The following DOCK4 variants were observed in gnomAD, a reference collection of about 807,000 sequenced individuals.
DOCK4 encodes the protein dedicator of cytokinesis protein 4.
A neutral mutation model predicts 268.1 loss-of-function variants in DOCK4; 97 were observed. That is an observed-to-expected ratio of 0.36 (90% CI 0.31 to 0.43). DOCK4 has a LOEUF of 0.43. Ranked by LOEUF, DOCK4 falls within the 20% of genes least tolerant of loss-of-function variation. The pLI is 1.00. For missense variants in DOCK4, 2,145 were observed against 2,455.7 expected (o/e 0.87, Z 2.67); for synonymous variants, 954 against 887.2 (o/e 1.08, Z -1.34).
intron 10 of DOCK4, among the ~76,000 whole-genome samples, chr7:111,941,825 AG>A (rs1247762236): frequency 6.6e-6 from 1 of 152,206 alleles, no homozygotes; most frequent in Admixed American, 6.5e-5. Context: ...TGGCAAAATA[AG>A]GGAATAAGGT....
chr7:112,125,094 C>T (rs1813090291), intron 1 of DOCK4, among the ~76,000 whole-genome samples: 1 of 152,146 alleles, frequency 6.6e-6, no homozygotes, highest in African/African-American at 2.4e-5. Flanking sequence ...CACAGCTTCA[C>T]CAAATTTGAA....
intron 50 of DOCK4, among the ~76,000 whole-genome samples, chr7:111,736,239 G>A (rs1323157742): frequency 6.6e-6 from 1 of 152,168 alleles, no homozygotes; most frequent in Non-Finnish European, 1.5e-5. Flanking sequence ...TTATTGGCCT[G>A]GGGAACTGCT....
intron 1 of DOCK4, among the ~76,000 whole-genome samples, chr7:112,096,091 C>T (rs183881408): frequency 6.6e-6 from 1 of 151,934 alleles, no homozygotes; most frequent in Admixed American, 6.6e-5. Flanking sequence ...AACTTTGTCT[C>T]GTAATAAATA....
chr7:112,114,563 C>T (rs1286714227), intron 1 of DOCK4, among the ~76,000 whole-genome samples: 1 of 152,170 alleles, frequency 6.6e-6, no homozygotes, highest in Non-Finnish European at 1.5e-5. Flanking sequence ...CACTTGTTTT[C>T]ACTCTAATAT....
At position 111,847,187 on chromosome 7, in the gene DOCK4, A is replaced by C. The variant is rs114200397; in HGVS notation, c.2474-61T>G. 957 of 1,583,130 alleles carry C rather than the reference A, an allele frequency of 6.0e-4. 5 individuals are homozygous for C. In the African/African-American group the frequency reaches 0.011, roughly 18 times the overall value. ...GGAGTCCCACGCAATACCTAGGGCA[A>C]ATCCTTATCTACTTTTAATTCAATT... is the stretch of plus-strand genomic sequence containing the variant. On this transcript the variant is annotated intron_variant, in intron 23 of 52. Coordinates refer to ENST00000428084, the MANE Select transcript of DOCK4 (RefSeq NM_001363540.2).
At chr7:112,174,772 T>G (rs181176982) in intron 1 of DOCK4, among the ~76,000 whole-genome samples, 25 of 152,276 alleles carry the variant, frequency 1.6e-4, no homozygotes, top group African/African-American at 5.1e-4. Flanking sequence ...TAAGGCTCTG[T>G]CTCACGTCCA....
chr7:111,871,251 TG>T (rs1397373695), intron 20 of DOCK4, among the ~76,000 whole-genome samples: 1 of 152,230 alleles, frequency 6.6e-6, no homozygotes, highest in Non-Finnish European at 1.5e-5. Flanking sequence ...AGGACCATAT[TG>T]GACTGGGAGA....
chr7:112,075,633 C>T lies in DOCK4; in HGVS notation c.38-71502G>A, dbSNP rs1178483308. On this transcript the variant is annotated intron_variant, in intron 1 of 52. Transcript: ENST00000428084. Reference sequence around the variant, plus strand: ...ACAGAATTTGAGCATATCTCAAAAACTGATACGACAACATTAATTTCTGAA... The same window carrying T: ...ACAGAATTTGAGCATATCTCAAAAATTGATACGACAACATTAATTTCTGAA... Among the ~76,000 whole-genome samples the T allele has an allele frequency of 5.9e-5, 9 of 152,174 alleles. 1 individual carries two copies. Among genetic ancestry groups the T allele is most frequent in the Admixed American group, 5.9e-4 (9 of 15,264 alleles).
intron 8 of DOCK4, among the ~76,000 whole-genome samples, chr7:111,950,632 GA>G (rs1795983271): frequency 6.6e-6 from 1 of 152,102 alleles, no homozygotes; most frequent in Admixed American, 6.5e-5. Flanking sequence ...CAAATAACTG[GA>G]AAGTTTTAAT....
At chr7:111,844,226 A>G (rs1803917035) in intron 25 of DOCK4, among the ~76,000 whole-genome samples, 1 of 152,226 alleles carries the variant, frequency 6.6e-6, no homozygotes, top group South Asian at 2.1e-4. Flanking sequence ...TAGTAAGCCA[A>G]GATCACACAC....
intron 26 of DOCK4, among the ~76,000 whole-genome samples, chr7:111,831,156 G>A (rs981927136): frequency 6.6e-6 from 1 of 151,982 alleles, no homozygotes; most frequent in African/African-American, 2.4e-5. Context: ...CCAAACTCAG[G>A]CTGAAACCGA....
At chr7:112,171,650 A>G (rs573817377) in intron 1 of DOCK4, among the ~76,000 whole-genome samples, 1 of 152,336 alleles carries the variant, frequency 6.6e-6, no homozygotes, top group African/African-American at 2.4e-5. Flanking sequence ...CCCCGATTGC[A>G]TCCCTCTGTT....
intron 23 of DOCK4, among the ~76,000 whole-genome samples, chr7:111,861,945 A>G (rs1428087290): frequency 2.6e-5 from 4 of 152,096 alleles, no homozygotes; most frequent in African/African-American, 9.7e-5. Context: ...AATTTCTATG[A>G]AGGAAATGGG....
intron 12 of DOCK4, among the ~76,000 whole-genome samples, chr7:111,917,238 G>A (rs976088263): frequency 1.3e-5 from 2 of 151,590 alleles, no homozygotes; most frequent in Admixed American, 6.6e-5. Flanking sequence ...TGCCCTCCTC[G>A]GCCTCCCAAA....
At chr7:112,020,390 C>T (rs1330525671) in intron 1 of DOCK4, among the ~76,000 whole-genome samples, 2 of 152,124 alleles carry the variant, frequency 1.3e-5, no homozygotes, top group Admixed American at 6.5e-5. Context: ...GTGGCAGGTC[C>T]TTTTGCTTGT....
intron 6 of DOCK4, among the ~76,000 whole-genome samples, chr7:111,986,685 C>T (rs184620313): frequency 1.1e-4 from 16 of 152,262 alleles, no homozygotes; most frequent in Admixed American, 9.2e-4. Flanking sequence ...AGTCAAAGAA[C>T]ATCGTGTTGT....
At chr7:111,762,762 C>CTTTCTTTTTTTTTTTTTTTTTTTTTTTT (rs1797505856) in intron 39 of DOCK4, among the ~76,000 whole-genome samples, 4 of 63,068 alleles carry the variant, frequency 6.3e-5, no homozygotes, top group Non-Finnish European at 9.0e-5. Context: ...GTTTTGTTTT[C>CTTTCTTTTTTTTTTTTTTTTTTTTTTTT]TTTTTTTTTT....
At chr7:111,973,871 A>C (rs1422623850) in intron 8 of DOCK4, among the ~76,000 whole-genome samples, 1 of 152,184 alleles carries the variant, frequency 6.6e-6, no homozygotes, top group African/African-American at 2.4e-5. Flanking sequence ...AAATTTTTCT[A>C]AAATAAAAAG....
chr7:112,193,191 T>TGAAGGCACCC (rs1820130811), intron 1 of DOCK4, among the ~76,000 whole-genome samples: 1 of 152,190 alleles, frequency 6.6e-6, no homozygotes, highest in Admixed American at 6.5e-5. Flanking sequence ...TTGGTTGCTT[T>TGAAGGCACCC]GAAGGCACCC....
Sources: gnomAD v4.1 joint callset for allele counts (sites outside exome capture counted in the v4.1 genomes callset) on GRCh38, gnomAD v4.1.1 for gene constraint, MANE v1.5 for transcripts, NCBI Gene and HGNC (gene_info 2026-07-23, HGNC 2026-07-21) for gene names.